Variants in ARHGAP11B observed in about 807,000 individuals in gnomAD.
ARHGAP11B encodes the protein inactive Rho GTPase-activating protein 11B.
A neutral mutation model predicts 27.6 loss-of-function variants in ARHGAP11B; 14 were observed. That is an observed-to-expected ratio of 0.51 (90% CI 0.34 to 0.79). The LOEUF (loss-of-function observed/expected upper bound fraction) is 0.79, where lower values mean the gene tolerates loss of function less well. Among genes scored for constraint, ARHGAP11B ranks in the 30% least tolerant of loss-of-function variants. ARHGAP11B has a pLI of 0.02. For missense variants in ARHGAP11B, 245 were observed against 320.1 expected, an observed-to-expected ratio of 0.77 and a Z score of 1.79; for synonymous variants, 82 against 114.1, an observed-to-expected ratio of 0.72 and a Z score of 1.80.
At chr15:30,631,787 CTTTT>C (rs765025486) in intron 2 of ARHGAP11B, among the ~76,000 whole-genome samples, 2 of 139,668 alleles carry the variant, frequency 1.4e-5, no homozygotes, top group Non-Finnish European at 1.6e-5. Flanking sequence ...ACCTTTTGTT[CTTTT>C]TTTTTTTTTT....
chr15:30,645,226 A>G (rs915702865), intron 8 of ARHGAP11B, among the ~76,000 whole-genome samples: 2 of 152,080 alleles, frequency 1.3e-5, no homozygotes, highest in East Asian at 1.9e-4. Flanking sequence ...TACATACCTT[A>G]AACTTTTTTT....
At chr15:30,643,902 C>A (rs1005045594) in intron 7 of ARHGAP11B, among the ~76,000 whole-genome samples, 10 of 152,038 alleles carry the variant, frequency 6.6e-5, no homozygotes, top group African/African-American at 2.4e-4. Flanking sequence ...CAGTATCTGG[C>A]TGTCCGAAGC....
chr15:30,632,402 C>T (rs1374514277), intron 2 of ARHGAP11B, among the ~76,000 whole-genome samples: 2 of 149,816 alleles, frequency 1.3e-5, no homozygotes, highest in African/African-American at 5.0e-5. Flanking sequence ...GGTGACAGAG[C>T]GAGACACTGT....
intron 1 of ARHGAP11B, 100 bp downstream of exon 1, chr15:30,627,049 A>T (rs2060213802): frequency 1.9e-6 from 3 of 1,541,626 alleles, no homozygotes; most frequent in Non-Finnish European, 2.6e-6. Context: ...TGTGTATCAA[A>T]AAGAATGGTT....
chr15:30,647,233 T>C (rs1291936182), intron 9 of ARHGAP11B, among the ~76,000 whole-genome samples: 1 of 151,978 alleles, frequency 6.6e-6, no homozygotes, highest in African/African-American at 2.4e-5. Flanking sequence ...TTTTGTTTTT[T>C]GTTTCTTTGG....
chr15:30,644,908 C>T (rs2140908872), intron 8 of ARHGAP11B, among the ~76,000 whole-genome samples: 1 of 152,152 alleles, frequency 6.6e-6, no homozygotes, highest in Non-Finnish European at 1.5e-5. Flanking sequence ...CTGGGCTGCC[C>T]TGTCCTCTTG....
chr15:30,626,859 G>A (rs776018280), exon 1 of ARHGAP11B: 2 of 1,613,608 alleles, frequency 1.2e-6, no homozygotes, highest in African/African-American at 2.7e-5. Context: ...CCCTGTTGCA[G>A]CATCTGCGGG....
intron 7 of ARHGAP11B, among the ~76,000 whole-genome samples, chr15:30,642,232 G>T (rs898496581): frequency 1.8e-4 from 27 of 151,802 alleles, no homozygotes; most frequent in African/African-American, 6.3e-4. Context: ...AATTGAGAGG[G>T]TTCATGTTTG....
chr15:30,629,353 C>T (rs990435252), intron 1 of ARHGAP11B, among the ~76,000 whole-genome samples: 1 of 124,802 alleles, frequency 8.0e-6, no homozygotes, highest in East Asian at 2.0e-4. Flanking sequence ...ACCATCCTAG[C>T]TAACACGGTG....
At chr15:30,630,840 G>A in intron 2 of ARHGAP11B, 67 bp downstream of exon 2, 1 of 1,608,776 alleles carries the variant, frequency 6.2e-7, no homozygotes, top group South Asian at 1.1e-5. Context: ...AGCATTTTGA[G>A]AGGCCGAGGT....
Position 30,645,099 on chromosome 15 carries a change from G to A in ARHGAP11B, c.*142+397G>A, listed in dbSNP as rs1298460295. On this transcript the variant is annotated intron_variant, in intron 8 of 10. Transcript: ENST00000428041. ...TGGCGGGACCAGGACATTTGAGAAC[G>A]GGACTAGGTGGTTCATGACTGTGGA... 9.2e-5 allele frequency among the ~76,000 whole-genome samples: 14 copies of A among 151,976 alleles called. 1 individual carries two copies. In the South Asian group the frequency reaches 2.3e-3, roughly 25 times the overall value.
At chr15:30,627,958 G>A (rs1457933852) in intron 1 of ARHGAP11B, among the ~76,000 whole-genome samples, 1 of 151,646 alleles carries the variant, frequency 6.6e-6, no homozygotes, top group Non-Finnish European at 1.5e-5. Flanking sequence ...CATTTAAAAA[G>A]CTACAGTGAT....
At chr15:30,627,975 C>A (rs2060220644) in intron 1 of ARHGAP11B, among the ~76,000 whole-genome samples, 1 of 151,314 alleles carries the variant, frequency 6.6e-6, no homozygotes, top group Non-Finnish European at 1.5e-5. Context: ...TGATTTTTTT[C>A]TGATTGTAAA....
exon 1 of ARHGAP11B, chr15:30,626,827 G>C (rs375258221): frequency 4.3e-6 from 7 of 1,613,670 alleles, no homozygotes; most frequent in Non-Finnish European, 5.9e-6. Context: ...CGGAATGTGG[G>C]ATCAGAGGCT....
At chr15:30,627,317 AT>A (rs1218096042) in intron 1 of ARHGAP11B, among the ~76,000 whole-genome samples, 1 of 152,044 alleles carries the variant, frequency 6.6e-6, no homozygotes, top group African/African-American at 2.4e-5. Context: ...ACGATTAAAA[AT>A]GTCTCCGGAT....
rs2060258849 is a variant in ARHGAP11B, at chr15:30,633,508, C to A, written c.219C>A (p.Cys73Ter). ...CTTTCAGCTTTCTTGTCGATGCTTG[C>A]ACATCTTTAGAAGAACATATTCATA... Residue 73 changes from cysteine (C) to a stop codon, truncating the protein, a stop_gained, in exon 3 of 11, where the codon TGC (cysteine) becomes TGA (stop). Transcript: ENST00000428041. LOFTEE classifies it high-confidence loss of function. The A allele has an allele frequency of 6.2e-7, 1 of 1,611,656 alleles. No homozygotes were observed. Among genetic ancestry groups the A allele is most frequent in the Non-Finnish European group, 8.5e-7 (1 of 1,179,202 alleles).
chr15:30,641,040 TCTC>T (rs1197288738), intron 7 of ARHGAP11B, among the ~76,000 whole-genome samples: 4 of 151,864 alleles, frequency 2.6e-5, no homozygotes, highest in Non-Finnish European at 5.9e-5. Flanking sequence ...GATTCCTTCT[TCTC>T]CTCCTCCAAG....
exon 6 of ARHGAP11B, chr15:30,635,554 T>A: frequency 6.2e-7 from 1 of 1,612,928 alleles, no homozygotes; most frequent in Non-Finnish European, 8.5e-7. Flanking sequence ...TCTGTGCTAC[T>A]CCATCACTGG....
chr15:30,630,050 A>C (rs2060234694), intron 1 of ARHGAP11B, among the ~76,000 whole-genome samples: 1 of 152,110 alleles, frequency 6.6e-6, no homozygotes, highest in Admixed American at 6.6e-5. Flanking sequence ...GTGTATTAAA[A>C]TTTGAATGTG....
Sources: gnomAD v4.1 joint callset for allele counts (sites outside exome capture counted in the v4.1 genomes callset) on GRCh38, gnomAD v4.1.1 for gene constraint, MANE v1.5 for transcripts, NCBI Gene and HGNC (gene_info 2026-07-23, HGNC 2026-07-21) for gene names.